GABPB2: variants seen among roughly 807,000 people sequenced by gnomAD.
GABPB2 encodes GA binding protein transcription factor subunit beta 2, also known as GA-binding protein subunit beta-2.
In GABPB2, 23 loss-of-function variants were observed where a neutral mutation model predicts 39.1. The ratio of observed to expected loss-of-function variants is 0.59; its 90% CI spans 0.42 to 0.83. GABPB2 has a LOEUF of 0.83. GABPB2 is among the 40% of genes least tolerant of loss of function. GABPB2 has a pLI of 0.00. For synonymous variants in GABPB2, 184 were observed against 199.3 expected (o/e 0.92, Z 0.65); for missense variants, 467 against 541.1 (o/e 0.86, Z 1.36).
intron 3 of GABPB2, 42 bp from the exon 4 acceptor site, chr1:151,093,150 C>T: frequency 1.3e-6 from 2 of 1,486,824 alleles, no homozygotes; most frequent in South Asian, 1.3e-5. Flanking sequence ...ACCTGTGCTA[C>T]TATAACCGCT....
chr1:151,074,214 A>AT (rs1206286311), intron 1 of GABPB2, among the ~76,000 whole-genome samples: 11 of 150,736 alleles, frequency 7.3e-5, no homozygotes. Context: ...TGACCTCGTG[A>AT]TTCTCCCGCC....
chr1:151,109,364 A>ATATATAT lies in GABPB2; in HGVS notation c.922+2143_922+2144insATATATT, dbSNP rs779537595. Among the ~76,000 whole-genome samples, 666 of 112,364 alleles carry ATATATAT rather than the reference A, an allele frequency of 5.9e-3. 9 individuals are homozygous for ATATATAT. Among genetic ancestry groups the ATATATAT allele is most frequent in the African/African-American group, 0.02 (605 of 29,638 alleles). 73.7% of individuals were successfully genotyped at this position (112,364 alleles called of 152,430 possible). ...CACAAATATATATATATATATATAT[A>ATATATAT]TTTTTTTTTTTGAGTCAGAATCTTG... On this transcript the variant is annotated intron_variant, in intron 7 of 8. Transcript: ENST00000368918.
chr1:151,079,782 G>C (rs2102999088), intron 1 of GABPB2, among the ~76,000 whole-genome samples: 1 of 151,996 alleles, frequency 6.6e-6, no homozygotes, highest in East Asian at 1.9e-4. Context: ...TGTAATACCA[G>C]CTACTCGGGA....
chr1:151,122,366 A>G lies in GABPB2; in HGVS notation c.*4110A>G, dbSNP rs1681214340. 1 of 152,202 alleles carries G rather than the reference A, an allele frequency of 6.6e-6. No individual in the cohort carries two copies. The highest frequency in any genetic ancestry group is 2.1e-4 in the South Asian group (1 of 4,834). The allele number at this position is 152,202 out of a possible 1,614,324, so 9.4% of individuals were successfully genotyped here. The stretch of plus-strand genomic sequence containing the variant: ...GATGAAATTGTTCTATCTGCTGTCA[A>G]ATAATCTTTTCCTGTTTGCAATGTT... On this transcript the variant is annotated 3_prime_UTR_variant, in exon 9 of 9. Coordinates refer to ENST00000368918, the MANE Select transcript of GABPB2 (RefSeq NM_144618.3).
intron 3 of GABPB2, among the ~76,000 whole-genome samples, chr1:151,091,288 A>G (rs1678673311): frequency 6.6e-6 from 1 of 150,904 alleles, no homozygotes; most frequent in Non-Finnish European, 1.5e-5. Flanking sequence ...GGGTTTCACC[A>G]TGTTGCCCAG....
intron 5 of GABPB2, among the ~76,000 whole-genome samples, chr1:151,101,404 G>A (rs1025994652): frequency 2.6e-5 from 4 of 151,708 alleles, no homozygotes; most frequent in Non-Finnish European, 5.9e-5. Flanking sequence ...GTGAAACCCC[G>A]TCTTACTAAA....
chr1:151,096,831 C>A (rs1679130034), intron 4 of GABPB2, among the ~76,000 whole-genome samples: 1 of 152,164 alleles, frequency 6.6e-6, no homozygotes, highest in Non-Finnish European at 1.5e-5. Flanking sequence ...CTCTTGCTAG[C>A]ACACTGACTT....
intron 1 of GABPB2, among the ~76,000 whole-genome samples, chr1:151,076,065 T>C (rs1677149044): frequency 6.6e-6 from 1 of 152,178 alleles, no homozygotes; most frequent in Non-Finnish European, 1.5e-5. Flanking sequence ...AAAGGTGATA[T>C]CTGGAAGATT....
At chr1:151,083,527 G>T (rs908106330) in intron 1 of GABPB2, among the ~76,000 whole-genome samples, 1 of 152,014 alleles carries the variant, frequency 6.6e-6, no homozygotes, top group African/African-American at 2.4e-5. Context: ...CGAGCTACTC[G>T]GAAGGCTGAG....
chr1:151,072,307 G>T lies in GABPB2; in HGVS notation c.-1+1373G>T, dbSNP rs1676796824. ...CACGCCTGTAATCCCAGCATTTTGG[G>T]AAGCTGAGGTGGGAGGATCCCTTGA... On this transcript the variant is annotated intron_variant, in intron 1 of 8. Transcript: ENST00000368918. 3.9e-5 allele frequency among the ~76,000 whole-genome samples: 6 copies of T among 152,326 alleles called. No homozygotes were observed. In the South Asian group the frequency reaches 1.2e-3, roughly 32 times the overall value.
Position 151,121,050 on chromosome 1 carries a change from G to A in GABPB2, c.*2794G>A, listed in dbSNP as rs79122717. ...AGATTACAGGCGTGAGCCACCCCGCGCACAGCCTAGACTCTAATTTTATAA... is the reference window on the plus strand; with the variant it reads ...AGATTACAGGCGTGAGCCACCCCGCACACAGCCTAGACTCTAATTTTATAA... On this transcript the variant is annotated 3_prime_UTR_variant, in exon 9 of 9. Coordinates refer to ENST00000368918, the MANE Select transcript of GABPB2 (RefSeq NM_144618.3). The A allele has an allele frequency of 0.091, 13,772 of 152,050 alleles. 783 individuals carry two copies. The highest frequency in any genetic ancestry group is 0.16 in the African/African-American group (6,632 of 41,438). The allele number at this position is 152,050 out of a possible 1,614,324, so 9.4% of individuals were successfully genotyped here.
At chr1:151,082,303 C>G (rs1280906656) in intron 1 of GABPB2, among the ~76,000 whole-genome samples, 1 of 151,020 alleles carries the variant, frequency 6.6e-6, no homozygotes, top group Non-Finnish European at 1.5e-5. Flanking sequence ...TCTCAAACTC[C>G]TGACCTCAGA....
Position 151,088,487 on chromosome 1 carries a change from C to T in GABPB2, c.108+190C>T, listed in dbSNP as rs746352479. 16 of 1,319,190 alleles carry T rather than the reference C, an allele frequency of 1.2e-5. No individual in the cohort carries two copies. In the African/African-American group the frequency reaches 2.4e-4, roughly 20 times the overall value. The allele number at this position is 1,319,190 out of a possible 1,614,324, so 81.7% of individuals were successfully genotyped here. ...TCTTTTAGTTTTCCAAATTGAGAGT[C>T]TCCTGTGGATATATAGGTGATAATT... On this transcript the variant is annotated intron_variant, in intron 2 of 8. Coordinates refer to ENST00000368918, the MANE Select transcript of GABPB2 (RefSeq NM_144618.3).
intron 1 of GABPB2, among the ~76,000 whole-genome samples, chr1:151,079,436 G>A (rs1376349177): frequency 6.6e-6 from 1 of 152,112 alleles, no homozygotes; most frequent in African/African-American, 2.4e-5. Context: ...CAGCTACTCA[G>A]GAGGCGAGGC....
At chr1:151,097,230 A>T (rs1319154389) in intron 4 of GABPB2, among the ~76,000 whole-genome samples, 1 of 152,020 alleles carries the variant, frequency 6.6e-6, no homozygotes, top group Admixed American at 6.6e-5. Context: ...TCATTTTTCA[A>T]ATGAAAAAAA....
At chr1:151,096,070 A>G (rs4970941) in intron 4 of GABPB2, among the ~76,000 whole-genome samples, 88,067 of 149,440 alleles carry the variant, frequency 0.59, 29,054 homozygotes, top group East Asian at 0.89. Context: ...ACAATATCCA[A>G]AGAATGGATA....
intron 1 of GABPB2, among the ~76,000 whole-genome samples, chr1:151,074,803 C>A (rs1290967045): frequency 6.6e-6 from 1 of 152,092 alleles, no homozygotes; most frequent in South Asian, 2.1e-4. Flanking sequence ...GTTTTATCAG[C>A]AAAGTCTTTA....
At chr1:151,078,796 C>T (rs1477230443) in intron 1 of GABPB2, among the ~76,000 whole-genome samples, 1 of 151,742 alleles carries the variant, frequency 6.6e-6, no homozygotes, top group Non-Finnish European at 1.5e-5. Flanking sequence ...TGCACCACCA[C>T]ACCTGGCTAA....
chr1:151,110,924 A>C (rs2101559862), intron 7 of GABPB2, among the ~76,000 whole-genome samples: 1 of 152,318 alleles, frequency 6.6e-6, no homozygotes. Context: ...AAGAAATACA[A>C]ACCAATTTTT....
Sources: gnomAD v4.1 joint callset for allele counts (sites outside exome capture counted in the v4.1 genomes callset) on GRCh38, gnomAD v4.1.1 for gene constraint, MANE v1.5 for transcripts, NCBI Gene and HGNC (gene_info 2026-07-23, HGNC 2026-07-21) for gene names.